Variants in IMPACT observed in about 807,000 individuals in gnomAD.
IMPACT encodes impact RWD domain protein.
In IMPACT, 35 loss-of-function variants were observed where a neutral mutation model predicts 47.5. The observed-to-expected ratio is 0.74, with a 90% CI of 0.56 to 0.98. The LOEUF is 0.98. Among genes scored for constraint, IMPACT ranks in the 50% least tolerant of loss-of-function variants. IMPACT has a pLI of 0.00. For synonymous variants in IMPACT, 118 were observed against 125.6 expected (o/e 0.94, Z 0.40); for missense variants, 373 against 394.8 (o/e 0.94, Z 0.47).
chr18:24,437,317 A>G (rs1029936766), intron 4 of IMPACT, among the ~76,000 whole-genome samples: 2 of 152,176 alleles, frequency 1.3e-5, no homozygotes, highest in Admixed American at 6.5e-5. Flanking sequence ...AAAACCTGTG[A>G]CACATTCTTT....
At chr18:24,446,215 C>T (rs1909246105) in intron 8 of IMPACT, among the ~76,000 whole-genome samples, 1 of 152,024 alleles carries the variant, frequency 6.6e-6, no homozygotes, top group Non-Finnish European at 1.5e-5. Flanking sequence ...AGGTGCGAGC[C>T]ACCATGCCCG....
At chr18:24,432,047 T>C (rs1361307636) in intron 4 of IMPACT, among the ~76,000 whole-genome samples, 1 of 152,158 alleles carries the variant, frequency 6.6e-6, no homozygotes, top group Non-Finnish European at 1.5e-5. Flanking sequence ...TGATGGAGCC[T>C]TGGTTTGTTG....
chr18:24,429,650 T>G (rs1355128363), intron 3 of IMPACT: 1 of 152,018 alleles, frequency 6.6e-6, no homozygotes, highest in Non-Finnish European at 1.5e-5. Context: ...TACCTATTAG[T>G]TTTTTTTGTG....
intron 4 of IMPACT, among the ~76,000 whole-genome samples, chr18:24,435,050 T>G (rs924224816): frequency 2.0e-5 from 3 of 151,564 alleles, no homozygotes; most frequent in African/African-American, 7.3e-5. Context: ...CATGGTTCAC[T>G]GTAGCCTTGA....
Position 24,445,438 on chromosome 18 carries a change from A to G in IMPACT, c.640A>G (p.Ser214Gly), listed in dbSNP as rs1414182598. The change falls in exon 8 of 11, where the codon AGT becomes GGT. Residue 214 changes from serine (S) to glycine (G), a missense_variant. Ser to Gly is a moderately conservative substitution (Grantham distance 56, BLOSUM62 0). Transcript: ENST00000284202. ...ATTGTATGAGAATAAGAAAATAGCTAGTGCCACCCACAACATCTATGCCTA... is the reference window on the plus strand; with the variant it reads ...ATTGTATGAGAATAAGAAAATAGCTGGTGCCACCCACAACATCTATGCCTA... ...SKLYENKKIA[S>G]ATHNIYAYRI... 1.2e-6 allele frequency: 2 copies of G among 1,606,362 alleles called. No individual in the cohort carries two copies. The highest frequency in any genetic ancestry group is 1.7e-6 in the Non-Finnish European group (2 of 1,176,108).
chr18:24,438,155 A>G (rs867997675), intron 5 of IMPACT, 115 bp downstream of exon 5: 7 of 568,058 alleles, frequency 1.2e-5, no homozygotes, highest in African/African-American at 2.0e-5. Flanking sequence ...TGGTTTGTAT[A>G]TTATAAAATA....
chr18:24,441,764 A>G (rs1394440979), intron 6 of IMPACT, among the ~76,000 whole-genome samples: 1 of 152,164 alleles, frequency 6.6e-6, no homozygotes, highest in East Asian at 1.9e-4. Context: ...AGGAAATGAA[A>G]GAGTGGGGAG....
chr18:24,442,150 CTTTTTT>C (rs397965432), intron 6 of IMPACT, among the ~76,000 whole-genome samples: 3 of 116,476 alleles, frequency 2.6e-5, no homozygotes, highest in African/African-American at 3.2e-5. Flanking sequence ...ATTAGTGATT[CTTTTTT>C]TTTTTTTTTT....
chr18:24,445,477 A>T lies in IMPACT; in HGVS notation c.668+11A>T, dbSNP rs200413357. 2.6e-6 allele frequency: 4 copies of T among 1,531,860 alleles called. No individual in the cohort carries two copies. The Admixed American group carries it at 7.7e-5, about 29-fold the overall frequency. The allele number at this position is 1,531,860 out of a possible 1,614,324, so 94.9% of individuals were successfully genotyped here. On this transcript the variant is annotated intron_variant, in intron 8 of 10. Coordinates refer to ENST00000284202, the MANE Select transcript of IMPACT (RefSeq NM_018439.4). ...CATCTATGCCTACAGGTGAGTAATC[A>T]TCACAAGCTTTAGTATACTCAGTTT...
At chr18:24,435,460 A>G (rs1434698259) in intron 4 of IMPACT, 3 of 152,218 alleles carry the variant, frequency 2.0e-5, no homozygotes, top group African/African-American at 7.2e-5. Flanking sequence ...TAATTTAGAA[A>G]TCTGAGAAAA....
At chr18:24,427,064 A>G in intron 1 of IMPACT, 1 of 376,004 alleles carries the variant, frequency 2.7e-6, no homozygotes, top group Non-Finnish European at 4.7e-6. Flanking sequence ...TCTGGGCCGA[A>G]GGCAAAAACC....
chr18:24,429,975 C>T (rs934063121), intron 3 of IMPACT, among the ~76,000 whole-genome samples: 7 of 152,070 alleles, frequency 4.6e-5, no homozygotes, highest in Admixed American at 1.3e-4. Context: ...GACGGGGTTT[C>T]GCCATGTTAG....
At chr18:24,431,947 C>T (rs987962175) in intron 4 of IMPACT, among the ~76,000 whole-genome samples, 1 of 152,154 alleles carries the variant, frequency 6.6e-6, no homozygotes, top group African/African-American at 2.4e-5. Flanking sequence ...AATGATCCAC[C>T]CACCTTGGCC....
intron 8 of IMPACT, among the ~76,000 whole-genome samples, chr18:24,446,135 T>A (rs1599767430): frequency 6.6e-6 from 1 of 152,138 alleles, no homozygotes. Context: ...TTGCCCAGGC[T>A]GGAGTACAGG....
Position 24,430,381 on chromosome 18 carries a change from A to G in IMPACT, c.278A>G (p.Tyr93Cys), listed in dbSNP as rs749332530. The G allele has an allele frequency of 1.3e-6, 2 of 1,595,626 alleles. No homozygotes were observed. Among genetic ancestry groups the G allele is most frequent in the Non-Finnish European group, 1.7e-6 (2 of 1,172,970 alleles). Residue 93 changes from tyrosine to cysteine, a missense_variant, in exon 4 of 11, where the codon TAT (tyrosine) becomes TGT (cysteine). By Grantham distance (194) the Tyr-to-Cys change is radical. Transcript: ENST00000284202. The stretch of plus-strand genomic sequence containing the variant: ...TTATCAAATAGCCTTGAGGAAATAT[A>G]TATGTAAGTGACAGGCGATTTTTTA... ...ADLSNSLEEI[Y>C]IQNIGESILY...
At chr18:24,438,559 A>G (rs971589636) in intron 5 of IMPACT, among the ~76,000 whole-genome samples, 3 of 152,134 alleles carry the variant, frequency 2.0e-5, no homozygotes, top group Non-Finnish European at 4.4e-5. Flanking sequence ...ATGCCCCTCA[A>G]TTTGGGTTTG....
chr18:24,451,078 C>G lies in IMPACT; in HGVS notation c.*231C>G. 1 of 336,634 alleles carries G rather than the reference C, an allele frequency of 3.0e-6. No individual in the cohort carries two copies. Among genetic ancestry groups the G allele is most frequent in the Non-Finnish European group, 5.5e-6 (1 of 183,176 alleles). The allele number at this position is 336,634 out of a possible 1,614,324, so 20.9% of individuals were successfully genotyped here. A position where few individuals can be genotyped will look rare whatever the true frequency, so the allele number is the denominator to read the frequency against. ...TTGGGAGAACTAATTTGAACTTAAT[C>G]ACCACTTCATCTAATTTTAGCAAGG... On this transcript the variant is annotated 3_prime_UTR_variant, in exon 11 of 11. Transcript: ENST00000284202.
In IMPACT at chr18:24,426,718, C is replaced by G; in HGVS notation, c.-39C>G. The G allele has an allele frequency of 8.0e-7, 1 of 1,242,646 alleles. No homozygotes were observed. Among genetic ancestry groups the G allele is most frequent in the East Asian group, 3.1e-5 (1 of 31,776 alleles). 77.0% of individuals were successfully genotyped at this position (1,242,646 alleles called of 1,614,324 possible). On this transcript the variant is annotated 5_prime_UTR_variant, in exon 1 of 11. Transcript: ENST00000284202. ...CAGCGCCCCGCCCCCGCGCTCCGGA[C>G]CTGGCAGGCGGCGGCTGCAGGGCAG...
chr18:24,427,727 A>G (rs56338769), intron 1 of IMPACT, 192 bp from the exon 2 acceptor site: 145 of 545,520 alleles, frequency 2.7e-4, no homozygotes, highest in Non-Finnish European at 4.1e-4. Flanking sequence ...CAGTCATTGC[A>G]GTAGCGCCTA....
Sources: gnomAD v4.1 joint callset for allele counts (sites outside exome capture counted in the v4.1 genomes callset) on GRCh38, gnomAD v4.1.1 for gene constraint, MANE v1.5 for transcripts, NCBI Gene and HGNC (gene_info 2026-07-23, HGNC 2026-07-21) for gene names.